Variants in TEX29 observed in about 807,000 individuals in gnomAD.
TEX29 encodes the protein testis expressed 29.
In TEX29, 26 loss-of-function variants were observed where a neutral mutation model predicts 18.2. The ratio of observed to expected loss-of-function variants is 1.43; its 90% CI spans 1.04 to 1.98. The LOEUF (loss-of-function observed/expected upper bound fraction) is 1.98, where lower values mean the gene tolerates loss of function less well. Ranked by LOEUF, TEX29 falls within the 30% of genes most tolerant of loss-of-function variation. TEX29 has a pLI of 0.00. For missense variants in TEX29, 177 were observed against 194.2 expected (o/e 0.91, Z 0.53); for synonymous variants, 83 against 78.5 (o/e 1.06, Z -0.31).
chr13:111,336,321 C>G (rs1327084653), intron 3 of TEX29, among the ~76,000 whole-genome samples: 1 of 152,212 alleles, frequency 6.6e-6, no homozygotes, highest in Admixed American at 6.5e-5. Flanking sequence ...TGACATCTTT[C>G]TCATTCAAAA....
At position 111,320,856 on chromosome 13, in the gene TEX29, G is replaced by A; in HGVS notation, c.-34-1G>A. ...CCGTGCTGACCTCTCCTGTTTTCCA[G>A]GTGTGCTCGGCCCCTTCATCTGTCA... On this transcript the variant is annotated splice_acceptor_variant, in intron 1 of 5. Coordinates refer to ENST00000283547, the MANE Select transcript of TEX29 (RefSeq NM_152324.3). LOFTEE classifies it low-confidence loss of function (5UTR_SPLICE). 1 of 1,613,590 alleles carries A rather than the reference G, an allele frequency of 6.2e-7. No individual in the cohort carries two copies. The highest frequency in any genetic ancestry group is 8.5e-7 in the Non-Finnish European group (1 of 1,179,926).
intron 3 of TEX29, among the ~76,000 whole-genome samples, chr13:111,330,932 T>C (rs2093681774): frequency 6.6e-6 from 1 of 152,232 alleles, no homozygotes; most frequent in Non-Finnish European, 1.5e-5. Context: ...ATGCCGCATT[T>C]TGTTGACCCA....
At chr13:111,326,082 G>A (rs889997589) in intron 2 of TEX29, among the ~76,000 whole-genome samples, 4 of 152,216 alleles carry the variant, frequency 2.6e-5, no homozygotes, top group Admixed American at 1.3e-4. Flanking sequence ...TGTGGATCCC[G>A]GCTCCGCTGC....
intron 3 of TEX29, 54 bp from the exon 4 acceptor site, chr13:111,339,809 C>A: frequency 1.9e-6 from 3 of 1,592,264 alleles, no homozygotes; most frequent in Non-Finnish European, 2.6e-6. Flanking sequence ...TCTTCATCTT[C>A]TTCCTTTTCT....
intron 3 of TEX29, among the ~76,000 whole-genome samples, chr13:111,337,630 G>A (rs970648070): frequency 5.9e-5 from 9 of 152,082 alleles, no homozygotes; most frequent in Admixed American, 3.9e-4. Flanking sequence ...GAATCGGGAG[G>A]CCATCCTGGA....
intron 2 of TEX29, among the ~76,000 whole-genome samples, chr13:111,323,184 C>T (rs1217012829): frequency 1.3e-5 from 2 of 152,234 alleles, no homozygotes; most frequent in African/African-American, 4.8e-5. Flanking sequence ...TCCACACTCA[C>T]TCATCCGGGA....
At chr13:111,338,972 G>T (rs1461068230) in intron 3 of TEX29, among the ~76,000 whole-genome samples, 3 of 152,196 alleles carry the variant, frequency 2.0e-5, no homozygotes, top group African/African-American at 4.8e-5. Flanking sequence ...GGTGCTGGGC[G>T]GTGCTGCGCC....
At chr13:111,327,135 G>A (rs933663729) in intron 2 of TEX29, among the ~76,000 whole-genome samples, 33 of 152,360 alleles carry the variant, frequency 2.2e-4, no homozygotes, top group African/African-American at 7.7e-4. Flanking sequence ...GGAGGAGAGG[G>A]TGGCAGCAGC....
chr13:111,318,202 G>A (rs9515404), upstream of TEX29, among the ~76,000 whole-genome samples: 459 of 152,250 alleles, frequency 3.0e-3, no homozygotes, highest in Non-Finnish European at 4.9e-3. Context: ...AGCCAAGTCC[G>A]TTACAGGGTT....
intron 3 of TEX29, among the ~76,000 whole-genome samples, chr13:111,330,802 A>G (rs1400760151): frequency 6.6e-6 from 1 of 152,150 alleles, no homozygotes; most frequent in Non-Finnish European, 1.5e-5. Context: ...CATTTCATAT[A>G]AATGGAACCA....
At chr13:111,334,034 G>A (rs2477471) in intron 3 of TEX29, among the ~76,000 whole-genome samples, 103,223 of 152,158 alleles carry the variant, frequency 0.68, 36,543 homozygotes, top group East Asian at 0.95. Flanking sequence ...TGCTTAAAAT[G>A]GTTGATTTAA....
At chr13:111,321,613 C>T (rs1031019660) in intron 2 of TEX29, among the ~76,000 whole-genome samples, 3 of 143,436 alleles carry the variant, frequency 2.1e-5, no homozygotes, top group Non-Finnish European at 4.5e-5. Context: ...TATAAAACAA[C>T]AACAACAAAA....
At chr13:111,336,321 C>A (rs1327084653) in intron 3 of TEX29, among the ~76,000 whole-genome samples, 1 of 152,212 alleles carries the variant, frequency 6.6e-6, no homozygotes, top group Non-Finnish European at 1.5e-5. Flanking sequence ...TGACATCTTT[C>A]TCATTCAAAA....
intron 2 of TEX29, among the ~76,000 whole-genome samples, chr13:111,324,179 T>C (rs1462367450): frequency 6.6e-6 from 1 of 152,178 alleles, no homozygotes; most frequent in Non-Finnish European, 1.5e-5. Flanking sequence ...ACCACTGTAC[T>C]CAGAATCTTG....
intron 3 of TEX29, among the ~76,000 whole-genome samples, chr13:111,329,133 G>T (rs1208374696): frequency 6.6e-6 from 1 of 152,150 alleles, no homozygotes. Flanking sequence ...TTGTCCTGTG[G>T]AGGCCCCTTT....
chr13:111,343,032 C>CTTCA, intron 5 of TEX29, 101 bp downstream of exon 5: 1 of 1,369,740 alleles, frequency 7.3e-7, no homozygotes, highest in Non-Finnish European at 9.9e-7. Context: ...TACACAGGCC[C>CTTCA]TTCAACCTCA....
At chr13:111,317,190 G>A (rs1035243822), upstream of TEX29, among the ~76,000 whole-genome samples, 1 of 152,096 alleles carries the variant, frequency 6.6e-6, no homozygotes, top group African/African-American at 2.4e-5. Context: ...AGGCCTGTGG[G>A]TGGTGATGCT....
chr13:111,342,721 C>T (rs1370460197), intron 4 of TEX29, 35 bp from the exon 5 acceptor site: 4 of 1,599,792 alleles, frequency 2.5e-6, no homozygotes, highest in Non-Finnish European at 3.4e-6. Flanking sequence ...CCATCTGTAA[C>T]TTCCCTGACT....
At chr13:111,335,908 C>A (rs2093689033) in intron 3 of TEX29, among the ~76,000 whole-genome samples, 1 of 152,178 alleles carries the variant, frequency 6.6e-6, no homozygotes, top group South Asian at 2.1e-4. Context: ...CCCCTGAGCA[C>A]CTTTTTATCT....
Sources: gnomAD v4.1 joint callset for allele counts (sites outside exome capture counted in the v4.1 genomes callset) on GRCh38, gnomAD v4.1.1 for gene constraint, MANE v1.5 for transcripts, NCBI Gene and HGNC (gene_info 2026-07-23, HGNC 2026-07-21) for gene names.